The following RHOBTB1 variants were observed in gnomAD, a reference collection of about 807,000 sequenced individuals.
The protein encoded by RHOBTB1 is Rho related BTB domain containing 1.
A neutral mutation model predicts 71.6 loss-of-function variants in RHOBTB1; 40 were observed. The ratio of observed to expected loss-of-function variants is 0.56; its 90% confidence interval spans 0.43 to 0.73. The LOEUF (loss-of-function observed/expected upper bound fraction) is 0.73. Among genes scored for constraint, RHOBTB1 ranks in the 30% least tolerant of loss-of-function variants. The pLI is 0.00. For synonymous variants in RHOBTB1, 319 were observed against 334.9 expected, an observed-to-expected ratio of 0.95 and a Z score of 0.52; for missense variants, 797 against 894.0, an observed-to-expected ratio of 0.89 and a Z score of 1.38.
At chr10:60,919,166 A>G (rs2083423687) in intron 2 of RHOBTB1, among the ~76,000 whole-genome samples, 1 of 152,310 alleles carries the variant, frequency 6.6e-6, no homozygotes, top group East Asian at 1.9e-4. Context: ...AGTCTGAATG[A>G]TGCTATTGCA....
Position 60,911,005 on chromosome 10 carries a change from G to T in RHOBTB1, c.193-15C>A, listed in dbSNP as rs765858818. 1 of 1,605,646 alleles carries T rather than the reference G, an allele frequency of 6.2e-7. No homozygotes were observed. The highest frequency in any genetic ancestry group is 1.7e-5 in the Admixed American group (1 of 60,016). On this transcript the variant is annotated splice_polypyrimidine_tract_variant and intron_variant, in intron 3 of 10. Transcript: ENST00000337910. Reference sequence around the variant, plus strand: ...CGCTCCAAGACCTGCAGGAGAGAGAGAGAGCATCTGTGCTCGGTGTCAGTC... The same window carrying T: ...CGCTCCAAGACCTGCAGGAGAGAGATAGAGCATCTGTGCTCGGTGTCAGTC...
intron 2 of RHOBTB1, among the ~76,000 whole-genome samples, chr10:60,952,001 T>G (rs2085427245): frequency 6.6e-6 from 1 of 151,906 alleles, no homozygotes; most frequent in Admixed American, 6.6e-5. Flanking sequence ...GAGGTTGCAG[T>G]GAGCTGAGAT....
intron 4 of RHOBTB1, among the ~76,000 whole-genome samples, chr10:60,901,541 G>C (rs1251126573): frequency 6.6e-6 from 1 of 152,094 alleles, no homozygotes; most frequent in African/African-American, 2.4e-5. Flanking sequence ...CTGAAAGATA[G>C]GTAACAGAAT....
intron 2 of RHOBTB1, among the ~76,000 whole-genome samples, chr10:60,939,027 T>G (rs745988986): frequency 1.3e-5 from 2 of 152,158 alleles, no homozygotes; most frequent in African/African-American, 2.4e-5. Context: ...ATAACCTCAT[T>G]AACGCTGGGA....
intron 2 of RHOBTB1, chr10:60,912,817 G>A (rs2083061171): frequency 6.6e-6 from 1 of 152,186 alleles, no homozygotes; most frequent in Non-Finnish European, 1.5e-5. Flanking sequence ...GGCCAGCCAT[G>A]TATGATTTTA....
chr10:60,889,572 T>A (rs1217270943), intron 5 of RHOBTB1, among the ~76,000 whole-genome samples: 1 of 152,238 alleles, frequency 6.6e-6, no homozygotes, highest in Non-Finnish European at 1.5e-5. Flanking sequence ...ATAGGTTAAT[T>A]CTGATAGCTT....
chr10:60,924,757 G>T (rs1367137918), intron 2 of RHOBTB1, among the ~76,000 whole-genome samples: 2 of 152,086 alleles, frequency 1.3e-5, no homozygotes, highest in Non-Finnish European at 2.9e-5. Flanking sequence ...CACAAAACAA[G>T]TCTCAAAAAT....
intron 1 of RHOBTB1, among the ~76,000 whole-genome samples, chr10:60,992,129 C>A (rs1589476055): frequency 1.3e-5 from 2 of 152,140 alleles, no homozygotes; most frequent in East Asian, 3.9e-4. Context: ...ATTTTTAAAT[C>A]CTGGGGTACA....
At chr10:60,925,421 C>T (rs148319166) in intron 2 of RHOBTB1, among the ~76,000 whole-genome samples, 2 of 152,154 alleles carry the variant, frequency 1.3e-5, no homozygotes, top group African/African-American at 4.8e-5. Context: ...ACCTATGGAA[C>T]ACTGCACAAA....
At chr10:60,882,104 C>A (rs1456938965) in intron 7 of RHOBTB1, among the ~76,000 whole-genome samples, 1 of 151,776 alleles carries the variant, frequency 6.6e-6, no homozygotes, top group Non-Finnish European at 1.5e-5. Flanking sequence ...ACAGAAAGAC[C>A]TTTATTTATA....
chr10:60,907,491 A>G (rs1396109914), intron 4 of RHOBTB1, among the ~76,000 whole-genome samples: 1 of 152,182 alleles, frequency 6.6e-6, no homozygotes, highest in African/African-American at 2.4e-5. Context: ...TTCATCCAAA[A>G]GTGGATATAA....
chr10:60,908,498 A>C (rs2082796402), intron 4 of RHOBTB1, among the ~76,000 whole-genome samples: 1 of 152,168 alleles, frequency 6.6e-6, no homozygotes, highest in Non-Finnish European at 1.5e-5. Flanking sequence ...GTTTTGCAAA[A>C]ACAAAAAAGG....
chr10:60,891,889 C>A (rs958440575), intron 5 of RHOBTB1, among the ~76,000 whole-genome samples: 1 of 152,198 alleles, frequency 6.6e-6, no homozygotes, highest in South Asian at 2.1e-4. Context: ...GTAACTGAAT[C>A]GTGGGGGCGG....
chr10:60,911,708 T>C (rs1441503378), intron 2 of RHOBTB1, among the ~76,000 whole-genome samples, 156 bp from the exon 3 acceptor site: 5 of 152,226 alleles, frequency 3.3e-5, no homozygotes, highest in Admixed American at 6.5e-5. Context: ...CTAAGCCTAA[T>C]TGACACTCAA....
In RHOBTB1 at chr10:60,870,003, A is replaced by G. The variant is rs916114787; in HGVS notation, c.*1479T>C. The G allele has an allele frequency of 1.0e-4, 16 of 152,652 alleles. No individual in the cohort carries two copies. The highest frequency in any genetic ancestry group is 1.6e-4 in the Non-Finnish European group (11 of 68,042). 9.5% of individuals were successfully genotyped at this position (152,652 alleles called of 1,614,324 possible). A position where few individuals can be genotyped will look rare whatever the true frequency, so the allele number is the denominator to read the frequency against. ...TCATTTCCATCTTCTGAAAAGCTAG[A>G]AGAAAAAATAAAAATAAAAACAAAA... On this transcript the variant is annotated 3_prime_UTR_variant, in exon 11 of 11. Transcript: ENST00000337910.
the RHOBTB1 span, among the ~76,000 whole-genome samples, chr10:60,864,308 T>C: frequency 6.6e-6 from 1 of 152,186 alleles, no homozygotes; most frequent in Non-Finnish European, 1.5e-5. Context: ...TCACAACGCA[T>C]GGCCATAACA....
intron 2 of RHOBTB1, among the ~76,000 whole-genome samples, chr10:60,953,712 T>C (rs2085489713): frequency 6.6e-6 from 1 of 152,218 alleles, no homozygotes; most frequent in African/African-American, 2.4e-5. Flanking sequence ...ATCTTGTTTA[T>C]ACTGTAATAT....
rs2081125957 is a variant in RHOBTB1 at position 60,878,035 on chromosome 10, CTTGT to C, written c.1595_1598del (p.Asn532ArgfsTer27). 4.3e-6 allele frequency: 7 copies of C among 1,611,936 alleles called. No homozygotes were observed. Among genetic ancestry groups the C allele is most frequent in the Non-Finnish European group, 5.9e-6 (7 of 1,179,244 alleles). Reference sequence around the variant, plus strand: ...AATCCAATACTGCTTGCATTGATATCTTGTTTATGTTCGGGAGATACACCTGAAA... The same window carrying C: ...AATCCAATACTGCTTGCATTGATATCTTATGTTCGGGAGATACACCTGAAA... On this transcript the variant is annotated frameshift_variant, in exon 8 of 11. Coordinates refer to ENST00000337910, the MANE Select transcript of RHOBTB1 (RefSeq NM_014836.5). LOFTEE classifies it high-confidence loss of function.
intron 2 of RHOBTB1, among the ~76,000 whole-genome samples, chr10:60,965,756 G>C (rs2085936204): frequency 6.6e-6 from 1 of 152,086 alleles, no homozygotes; most frequent in East Asian, 1.9e-4. Context: ...AAAGTCATAA[G>C]ACTAAATGAG....
Sources: allele counts gnomAD v4.1 joint callset (sites outside exome capture counted in the v4.1 genomes callset), GRCh38; gene constraint gnomAD v4.1.1; transcripts MANE v1.5; gene names NCBI Gene and HGNC (gene_info 2026-07-23, HGNC 2026-07-21).